The following RGS13 variants were observed in gnomAD, a reference collection of about 807,000 sequenced individuals.
RGS13 encodes the protein regulator of G protein signaling 13.
Under a neutral mutation model 19.9 loss-of-function variants are expected in RGS13, and 14 were observed. The observed-to-expected ratio is 0.70, with a 90% CI of 0.46 to 1.10. The LOEUF is 1.10. Among genes scored for constraint, RGS13 ranks in the 50% least tolerant of loss-of-function variants. The probability of loss-of-function intolerance (pLI) is 0.00; values close to 1 mark genes in which losing one functional copy is unlikely to be tolerated. For synonymous variants in RGS13, 60 were observed against 56.8 expected (o/e 1.06, Z -0.25); for missense variants, 205 against 187.1 (o/e 1.10, Z -0.56).
chr1:192,648,063 G>A, intron 5 of RGS13, 76 bp downstream of exon 5: 3 of 1,001,230 alleles, frequency 3.0e-6, no homozygotes, highest in Non-Finnish European at 4.6e-6. Context: ...GGTGCCAGAT[G>A]ATGAATGTAT....
chr1:192,657,676 A>G lies in RGS13; in HGVS notation c.128-525A>G, dbSNP rs975844782. On this transcript the variant is annotated intron_variant, in intron 5 of 6. Coordinates refer to ENST00000391995, the MANE Select transcript of RGS13 (RefSeq NM_002927.5). Reference sequence around the variant, plus strand: ...GAATATGAAGTTGAATTCTTCATCTATCTGTGTTCTGCTCTGATTAGACAT... The same window carrying G: ...GAATATGAAGTTGAATTCTTCATCTGTCTGTGTTCTGCTCTGATTAGACAT... Among the ~76,000 whole-genome samples the G allele has an allele frequency of 8.5e-5, 13 of 152,122 alleles. 1 individual carries two copies. The highest frequency in any genetic ancestry group is 7.2e-4 in the Admixed American group (11 of 15,238).
At chr1:192,640,402 A>AG (rs1458426612) in intron 3 of RGS13, among the ~76,000 whole-genome samples, 1 of 152,146 alleles carries the variant, frequency 6.6e-6, no homozygotes, top group Non-Finnish European at 1.5e-5. Context: ...TTTCTAGAAA[A>AG]AGGTTTTTAT....
At chr1:192,651,980 T>C (rs10733073) in intron 5 of RGS13, among the ~76,000 whole-genome samples, 52,814 of 151,888 alleles carry the variant, frequency 0.35, 9,264 homozygotes, top group Admixed American at 0.44. Flanking sequence ...AGACCACAGT[T>C]GTATATTTTT....
chr1:192,638,589 A>G (rs2102027316), intron 3 of RGS13, among the ~76,000 whole-genome samples: 1 of 152,234 alleles, frequency 6.6e-6, no homozygotes, highest in South Asian at 2.1e-4. Flanking sequence ...CAGAAATCTT[A>G]GAATACAGGC....
At chr1:192,636,889 G>C (rs1177141039) in intron 1 of RGS13, among the ~76,000 whole-genome samples, 2 of 151,768 alleles carry the variant, frequency 1.3e-5, no homozygotes, top group African/African-American at 4.8e-5. Context: ...GTCAACAAAA[G>C]CTCACTAAAA....
chr1:192,639,378 C>A (rs1349414660), intron 3 of RGS13, among the ~76,000 whole-genome samples: 2 of 152,038 alleles, frequency 1.3e-5, no homozygotes, highest in Non-Finnish European at 2.9e-5. Context: ...ATACACACAC[C>A]CAGATGTCTG....
intron 2 of RGS13, among the ~76,000 whole-genome samples, 170 bp from the exon 3 acceptor site, chr1:192,637,994 G>A (rs1221458160): frequency 6.6e-6 from 1 of 152,018 alleles, no homozygotes; most frequent in Non-Finnish European, 1.5e-5. Context: ...AAATGTGAGA[G>A]GATTTCATTC....
At chr1:192,642,714 G>A (rs1571579639) in intron 3 of RGS13, among the ~76,000 whole-genome samples, 1 of 151,986 alleles carries the variant, frequency 6.6e-6, no homozygotes, top group East Asian at 1.9e-4. Context: ...GCACACTCGT[G>A]GATATCCTGC....
At chr1:192,642,562 A>G (rs1442293344) in intron 3 of RGS13, among the ~76,000 whole-genome samples, 2 of 152,000 alleles carry the variant, frequency 1.3e-5, no homozygotes, top group East Asian at 3.9e-4. Context: ...CCTGGGCTCA[A>G]GAGAGCCTCC....
At chr1:192,657,746 T>C (rs1017171834) in intron 5 of RGS13, among the ~76,000 whole-genome samples, 1 of 152,172 alleles carries the variant, frequency 6.6e-6, no homozygotes, top group African/African-American at 2.4e-5. Context: ...GTATCACTCT[T>C]ACATGGCTTG....
intron 5 of RGS13, among the ~76,000 whole-genome samples, chr1:192,652,886 A>G (rs1663367617): frequency 6.6e-6 from 1 of 152,058 alleles, no homozygotes; most frequent in African/African-American, 2.4e-5. Context: ...GGTGAATGGG[A>G]GGATAATGGA....
In RGS13 at chr1:192,654,615, C is replaced by T. The variant is rs1571586655; in HGVS notation, c.128-3586C>T. On this transcript the variant is annotated intron_variant, in intron 5 of 6. Transcript: ENST00000391995. Reference sequence around the variant, plus strand: ...ATTTTAAATTGGTTTAGAGGCATTTCTAATGGTACTGCAACGTAGTGCACC... The same window carrying T: ...ATTTTAAATTGGTTTAGAGGCATTTTTAATGGTACTGCAACGTAGTGCACC... Among the ~76,000 whole-genome samples the T allele has an allele frequency of 1.3e-5, 2 of 152,094 alleles. 1 individual carries two copies. Among genetic ancestry groups the T allele is most frequent in the South Asian group, 4.1e-4 (2 of 4,822 alleles).
At chr1:192,637,094 A>G (rs1358124037) in intron 1 of RGS13, among the ~76,000 whole-genome samples, 1 of 151,938 alleles carries the variant, frequency 6.6e-6, no homozygotes, top group African/African-American at 2.4e-5. Flanking sequence ...AATACAACTC[A>G]ATCCATTACC....
At chr1:192,653,324 C>T (rs992128644) in intron 5 of RGS13, among the ~76,000 whole-genome samples, 3 of 152,058 alleles carry the variant, frequency 2.0e-5, no homozygotes, top group Non-Finnish European at 4.4e-5. Context: ...ACTGACTTCA[C>T]CCCATTAGAT....
At chr1:192,654,279 G>C (rs1437974953) in intron 5 of RGS13, among the ~76,000 whole-genome samples, 1 of 151,118 alleles carries the variant, frequency 6.6e-6, no homozygotes, top group Non-Finnish European at 1.5e-5. Flanking sequence ...TTCCTCTGAA[G>C]ACAACAATAT....
intron 4 of RGS13, chr1:192,646,992 CGTTTAG>C (rs1663234922): frequency 6.6e-6 from 1 of 151,932 alleles, no homozygotes; most frequent in South Asian, 2.1e-4. Flanking sequence ...TTGTTTATAC[CGTTTAG>C]GTAAAATGTA....
intron 5 of RGS13, among the ~76,000 whole-genome samples, chr1:192,651,191 G>A (rs1400449823): frequency 6.6e-6 from 1 of 152,064 alleles, no homozygotes; most frequent in African/African-American, 2.4e-5. Flanking sequence ...CCAAAGAAGA[G>A]AGTGTTTCAG....
At chr1:192,657,200 A>T (rs1173251586) in intron 5 of RGS13, among the ~76,000 whole-genome samples, 1 of 152,118 alleles carries the variant, frequency 6.6e-6, no homozygotes, top group Non-Finnish European at 1.5e-5. Flanking sequence ...GTGTGCCTAC[A>T]CAAACATTTC....
chr1:192,644,015 G>A (rs12022842), intron 3 of RGS13, among the ~76,000 whole-genome samples: 5,189 of 152,120 alleles, frequency 0.034, 227 homozygotes, highest in East Asian at 0.11. Flanking sequence ...TGGTAAATTC[G>A]TTATCGGTAA....
Sources: allele counts gnomAD v4.1 joint callset (sites outside exome capture counted in the v4.1 genomes callset), GRCh38; gene constraint gnomAD v4.1.1; transcripts MANE v1.5; gene names NCBI Gene and HGNC (gene_info 2026-07-23, HGNC 2026-07-21).